Variants in ARHGAP26 observed in about 807,000 individuals in gnomAD.
ARHGAP26 encodes Rho GTPase activating protein 26.
ARHGAP26 carries 38 observed loss-of-function variants against 104.8 expected under a neutral mutation model. The observed-to-expected ratio is 0.36, with a 90% CI of 0.28 to 0.48. The LOEUF is 0.48. ARHGAP26 is among the 20% of genes least tolerant of loss of function. The pLI is 0.99. For missense variants in ARHGAP26, 704 were observed against 947.9 expected (o/e 0.74, Z 3.38); for synonymous variants, 341 against 340.0 (o/e 1.00, Z -0.03).
chr5:142,861,631 TCAGCCTGG>T (rs1321334891), intron 1 of ARHGAP26, among the ~76,000 whole-genome samples: 1 of 152,130 alleles, frequency 6.6e-6, no homozygotes, highest in African/African-American at 2.4e-5. Flanking sequence ...CAGAAACAAA[TCAGCCTGG>T]CATGTTATTT....
chr5:142,988,643 A>C (rs1265776300), intron 11 of ARHGAP26, among the ~76,000 whole-genome samples: 1 of 150,442 alleles, frequency 6.6e-6, no homozygotes. Context: ...TATAAGTTTC[A>C]CTCTACACAC....
chr5:143,117,076 G>T (rs1212269413), intron 17 of ARHGAP26, among the ~76,000 whole-genome samples: 1 of 152,172 alleles, frequency 6.6e-6, no homozygotes, highest in Non-Finnish European at 1.5e-5. Context: ...TGGATGTAGG[G>T]ATCTGAAAAG....
intron 20 of ARHGAP26, among the ~76,000 whole-genome samples, chr5:143,193,240 C>CTTTTTTTTTTTTTTTTT (rs57462040): frequency 2.7e-5 from 2 of 74,622 alleles, no homozygotes. Flanking sequence ...ATTTTCTTTT[C>CTTTTTTTTTTTTTTTTT]TTTTTTTTTT....
At chr5:142,892,512 T>G (rs898377771) in intron 5 of ARHGAP26, among the ~76,000 whole-genome samples, 8 of 152,104 alleles carry the variant, frequency 5.3e-5, no homozygotes, top group African/African-American at 1.9e-4. Context: ...TTAAAATTAA[T>G]GAGGATTAAA....
intron 20 of ARHGAP26, among the ~76,000 whole-genome samples, chr5:143,206,637 G>A (rs1212156076): frequency 1.3e-5 from 2 of 152,182 alleles, no homozygotes. Flanking sequence ...AGGTGTATCT[G>A]TATTCACCTC....
chr5:143,133,220 CA>C (rs142568008), intron 18 of ARHGAP26, among the ~76,000 whole-genome samples: 4,713 of 149,890 alleles, frequency 0.031, 256 homozygotes, highest in African/African-American at 0.11. Flanking sequence ...GCCCCTCCTC[CA>C]AAAAAAAAGC....
intron 17 of ARHGAP26, among the ~76,000 whole-genome samples, chr5:143,102,215 C>T (rs1204889039): frequency 1.3e-5 from 2 of 152,114 alleles, no homozygotes; most frequent in African/African-American, 4.8e-5. Flanking sequence ...TCTGCTCCAG[C>T]CCAGATATCC....
At chr5:142,967,671 A>C (rs1771603990) in intron 11 of ARHGAP26, among the ~76,000 whole-genome samples, 1 of 152,204 alleles carries the variant, frequency 6.6e-6, no homozygotes, top group African/African-American at 2.4e-5. Context: ...AGATGATAGA[A>C]TAATAAGGTA....
chr5:142,942,636 A>G (rs1165423974), intron 11 of ARHGAP26, among the ~76,000 whole-genome samples: 2 of 152,240 alleles, frequency 1.3e-5, no homozygotes, highest in Admixed American at 6.5e-5. Flanking sequence ...TCCTCTCTCT[A>G]GACCTCACTT....
chr5:143,046,536 T>G (rs956799665), intron 14 of ARHGAP26, among the ~76,000 whole-genome samples: 2 of 152,202 alleles, frequency 1.3e-5, no homozygotes, highest in African/African-American at 4.8e-5. Flanking sequence ...AGAGCTACCC[T>G]TGATCCCTTC....
chr5:142,864,713 G>A (rs932317442), intron 1 of ARHGAP26, among the ~76,000 whole-genome samples: 2 of 152,182 alleles, frequency 1.3e-5, no homozygotes, highest in African/African-American at 4.8e-5. Flanking sequence ...GCAGGGCCGG[G>A]GGCATCCCTG....
intron 3 of ARHGAP26, among the ~76,000 whole-genome samples, chr5:142,876,199 G>C (rs931840241): frequency 6.6e-6 from 1 of 152,274 alleles, no homozygotes; most frequent in Admixed American, 6.5e-5. Context: ...CTAGGAGGGC[G>C]TGTCTTCAGG....
At chr5:142,788,228 T>A (rs557134153) in intron 1 of ARHGAP26, among the ~76,000 whole-genome samples, 1 of 152,210 alleles carries the variant, frequency 6.6e-6, no homozygotes, top group African/African-American at 2.4e-5. Context: ...CTCGGACTCC[T>A]GACCTCAAGT....
At chr5:142,792,087 C>G (rs1759965328) in intron 1 of ARHGAP26, among the ~76,000 whole-genome samples, 2 of 151,968 alleles carry the variant, frequency 1.3e-5, no homozygotes, top group Non-Finnish European at 2.9e-5. Context: ...AAAGAAGTTT[C>G]TCTTTGTCCA....
intron 1 of ARHGAP26, among the ~76,000 whole-genome samples, chr5:142,808,569 C>T (rs1763483962): frequency 6.6e-6 from 1 of 151,916 alleles, no homozygotes; most frequent in South Asian, 2.1e-4. Context: ...GTGGGGTATG[C>T]AGGGTCTGGC....
chr5:142,911,665 C>T (rs1056826497), intron 9 of ARHGAP26, among the ~76,000 whole-genome samples: 1 of 152,172 alleles, frequency 6.6e-6, no homozygotes, highest in African/African-American at 2.4e-5. Flanking sequence ...AATCTTCCTC[C>T]TCTTTCTGCA....
intron 18 of ARHGAP26, among the ~76,000 whole-genome samples, chr5:143,121,509 G>A (rs1472971661): frequency 6.6e-6 from 1 of 152,106 alleles, no homozygotes; most frequent in Admixed American, 6.5e-5. Context: ...AACATGCTTT[G>A]CCCATTTCTT....
At chr5:142,916,675 A>G (rs906831203) in intron 10 of ARHGAP26, among the ~76,000 whole-genome samples, 1 of 152,232 alleles carries the variant, frequency 6.6e-6, no homozygotes, top group Non-Finnish European at 1.5e-5. Context: ...GCTTACCTGT[A>G]TGGAGGAGGA....
intron 17 of ARHGAP26, among the ~76,000 whole-genome samples, chr5:143,094,108 C>T (rs1310646574): frequency 2.0e-5 from 3 of 152,218 alleles, no homozygotes; most frequent in Non-Finnish European, 4.4e-5. Context: ...ACCACTCCCC[C>T]GCCCCCGCGG....
Sources: allele counts gnomAD v4.1 joint callset (sites outside exome capture counted in the v4.1 genomes callset), GRCh38; gene constraint gnomAD v4.1.1; transcripts MANE v1.5; gene names NCBI Gene and HGNC (gene_info 2026-07-23, HGNC 2026-07-21).